ENTREP2: variants seen among roughly 807,000 people sequenced by gnomAD.
ENTREP2 encodes the protein endosomal transmembrane epsin interactor 2.
At chr15:29,602,856 A>C in the ENTREP2 span, among the ~76,000 whole-genome samples, 1 of 152,374 alleles carries the variant, frequency 6.6e-6, no homozygotes, top group Non-Finnish European at 1.5e-5. Context: ...CCAGCCTAAC[A>C]GCCAAAGTGA....
At chr15:29,423,597 C>G in the ENTREP2 span, among the ~76,000 whole-genome samples, 1 of 149,696 alleles carries the variant, frequency 6.7e-6, no homozygotes, top group Admixed American at 6.7e-5. Flanking sequence ...ACCATCCTGG[C>G]TACCACAGTG....
chr15:29,241,604 AT>A, the ENTREP2 span, among the ~76,000 whole-genome samples: 2 of 152,224 alleles, frequency 1.3e-5, no homozygotes, highest in African/African-American at 4.8e-5. Flanking sequence ...AGTTCTATTC[AT>A]TTAAAACCAA....
the ENTREP2 span, among the ~76,000 whole-genome samples, chr15:29,561,728 A>G: frequency 2.0e-5 from 3 of 151,700 alleles, no homozygotes; most frequent in Non-Finnish European, 4.4e-5. Context: ...ATAAATAAAT[A>G]AATGTACAAG....
At chr15:29,500,993 G>A in the ENTREP2 span, among the ~76,000 whole-genome samples, 4 of 151,778 alleles carry the variant, frequency 2.6e-5, no homozygotes, top group Non-Finnish European at 5.9e-5. Flanking sequence ...AGAAACACAC[G>A]ATCTACCAAA....
chr15:29,637,172 G>T, the ENTREP2 span, among the ~76,000 whole-genome samples: 1 of 152,154 alleles, frequency 6.6e-6, no homozygotes, highest in South Asian at 2.1e-4. Flanking sequence ...CTTAGGAACT[G>T]ATGTCAGAAA....
the ENTREP2 span, among the ~76,000 whole-genome samples, chr15:29,224,770 T>C: frequency 4.6e-5 from 7 of 152,194 alleles, no homozygotes; most frequent in African/African-American, 1.7e-4. Context: ...TGGAGCTGCC[T>C]GCCAGTCCCC....
At chr15:29,632,305 A>G in the ENTREP2 span, among the ~76,000 whole-genome samples, 1 of 152,222 alleles carries the variant, frequency 6.6e-6, no homozygotes, top group Non-Finnish European at 1.5e-5. Flanking sequence ...TACTTAACAA[A>G]AAGGAGCAGA....
chr15:29,229,855 CTT>C, the ENTREP2 span, among the ~76,000 whole-genome samples: 1 of 152,132 alleles, frequency 6.6e-6, no homozygotes, highest in Admixed American at 6.5e-5. Flanking sequence ...TATAAACTAT[CTT>C]TATCTCTATC....
the ENTREP2 span, among the ~76,000 whole-genome samples, chr15:29,642,761 C>T: frequency 7.9e-5 from 12 of 151,924 alleles, no homozygotes; most frequent in Non-Finnish European, 1.3e-4. Flanking sequence ...TGTAGGCACA[C>T]GCCACGACAC....
chr15:29,129,572 T>C, the ENTREP2 span, among the ~76,000 whole-genome samples: 7 of 152,246 alleles, frequency 4.6e-5, no homozygotes, highest in Non-Finnish European at 8.8e-5. Context: ...AGACTCGAAC[T>C]CCTGGGGTTA....
At chr15:29,269,102 G>GA in the ENTREP2 span, 1 of 1,614,156 alleles carries the variant, frequency 6.2e-7, no homozygotes, top group Non-Finnish European at 8.5e-7. Flanking sequence ...AAGCGCCGCA[G>GA]AAAGTCCCAG....
the ENTREP2 span, among the ~76,000 whole-genome samples, chr15:29,489,977 T>C: frequency 7.9e-5 from 12 of 152,360 alleles, no homozygotes; most frequent in East Asian, 2.3e-3. Context: ...AAACTGTCTC[T>C]AAATAGCTCA....
At chr15:29,211,857 T>A in the ENTREP2 span, among the ~76,000 whole-genome samples, 1 of 152,214 alleles carries the variant, frequency 6.6e-6, no homozygotes, top group Non-Finnish European at 1.5e-5. Flanking sequence ...TATCTTTTGA[T>A]ATGTTGTTGG....
At chr15:29,599,939 C>G in the ENTREP2 span, among the ~76,000 whole-genome samples, 2 of 137,166 alleles carry the variant, frequency 1.5e-5, no homozygotes, top group Non-Finnish European at 3.3e-5. Context: ...TCCTAGCTGT[C>G]TCTATGTTTT....
chr15:29,379,134 C>A, the ENTREP2 span, among the ~76,000 whole-genome samples: 1 of 152,204 alleles, frequency 6.6e-6, no homozygotes, highest in Non-Finnish European at 1.5e-5. Context: ...GCAGTGCCTG[C>A]CACAGGTTCC....
the ENTREP2 span, among the ~76,000 whole-genome samples, chr15:29,418,617 T>G: frequency 6.6e-6 from 1 of 152,186 alleles, no homozygotes; most frequent in Non-Finnish European, 1.5e-5. Flanking sequence ...GATGGAGTAG[T>G]TAGCAGCTCA....
chr15:29,428,058 C>A, the ENTREP2 span, among the ~76,000 whole-genome samples: 1 of 152,060 alleles, frequency 6.6e-6, no homozygotes, highest in Admixed American at 6.5e-5. Context: ...CTAGACCTAC[C>A]CAGAATTCAT....
chr15:29,159,315 G>T, the ENTREP2 span, among the ~76,000 whole-genome samples: 615 of 152,258 alleles, frequency 4.0e-3, 4 homozygotes, highest in African/African-American at 0.014. Context: ...GCTGGCTCCA[G>T]GAGTGAAGCT....
the ENTREP2 span, among the ~76,000 whole-genome samples, chr15:29,352,505 T>C: frequency 1.3e-5 from 2 of 152,178 alleles, no homozygotes; most frequent in African/African-American, 4.8e-5. Flanking sequence ...TGAAATTACA[T>C]TCTGAAGCCC....
Sources: allele counts gnomAD v4.1 joint callset (sites outside exome capture counted in the v4.1 genomes callset), GRCh38; gene constraint gnomAD v4.1.1; transcripts MANE v1.5; gene names NCBI Gene and HGNC (gene_info 2026-07-23, HGNC 2026-07-21).